NEIL3: variants seen among roughly 807,000 people sequenced by gnomAD.
The protein encoded by NEIL3 is endonuclease 8-like 3.
In NEIL3, 48 loss-of-function variants were observed where a neutral mutation model predicts 57.5. That is an observed-to-expected ratio of 0.83 (90% CI 0.66 to 1.06). NEIL3 has a LOEUF of 1.06. Ranked by LOEUF, NEIL3 falls within the 50% of genes least tolerant of loss-of-function variation. The probability of loss-of-function intolerance (pLI) is 0.00; values close to 1 mark genes in which losing one functional copy is unlikely to be tolerated. For synonymous variants in NEIL3, 261 were observed against 253.2 expected (o/e 1.03, Z -0.29); for missense variants, 717 against 739.1 (o/e 0.97, Z 0.35).
At chr4:177,311,817 G>A (rs1734479964) in intron 1 of NEIL3, among the ~76,000 whole-genome samples, 1 of 152,108 alleles carries the variant, frequency 6.6e-6, no homozygotes, top group Admixed American at 6.6e-5. Context: ...AAATCCAGGT[G>A]ACAAATTTGG....
intron 8 of NEIL3, 199 bp downstream of exon 8, chr4:177,353,927 G>A (rs1322656261): frequency 3.7e-6 from 2 of 535,430 alleles, no homozygotes; most frequent in Non-Finnish European, 6.5e-6. Flanking sequence ...CATCAGGCCC[G>A]ACTAATTTTT....
chr4:177,329,930 C>CAAA (rs1734850983), intron 2 of NEIL3, among the ~76,000 whole-genome samples: 1 of 149,008 alleles, frequency 6.7e-6, no homozygotes, highest in African/African-American at 2.5e-5. Flanking sequence ...TTTTCTTTTT[C>CAAA]AAATGGAGTC....
chr4:177,324,151 T>C (rs1364657130), intron 2 of NEIL3, among the ~76,000 whole-genome samples: 1 of 152,190 alleles, frequency 6.6e-6, no homozygotes, highest in Non-Finnish European at 1.5e-5. Flanking sequence ...GATAACTCTC[T>C]CAAAGAAATG....
chr4:177,339,862 G>A lies in NEIL3; in HGVS notation c.702+5G>A, dbSNP rs372691388. ...TTCAGCATTCTCTTTTACAGGGTAA[G>A]AGCAAAATTTTTCAACTGTGTAAAA... On this transcript the variant is annotated splice_donor_5th_base_variant and intron_variant, in intron 5 of 9. Transcript: ENST00000264596. 6.2e-7 allele frequency: 1 copy of A among 1,603,522 alleles called. No individual in the cohort carries two copies. The highest frequency in any genetic ancestry group is 1.3e-5 in the African/African-American group (1 of 74,656).
chr4:177,310,840 A>G (rs190993261), intron 1 of NEIL3, among the ~76,000 whole-genome samples: 2 of 152,352 alleles, frequency 1.3e-5, no homozygotes, highest in Admixed American at 1.3e-4. Flanking sequence ...CCTACATGCA[A>G]TATTGCACTG....
At chr4:177,339,008 A>G (rs866818180) in intron 4 of NEIL3, among the ~76,000 whole-genome samples, 5 of 152,230 alleles carry the variant, frequency 3.3e-5, no homozygotes, top group Non-Finnish European at 5.9e-5. Flanking sequence ...CAGTAATATT[A>G]TCAGTTCAAA....
intron 1 of NEIL3, among the ~76,000 whole-genome samples, chr4:177,317,326 C>G (rs985822157): frequency 4.6e-5 from 7 of 152,122 alleles, no homozygotes; most frequent in Admixed American, 3.9e-4. Flanking sequence ...GTTGGAGGTT[C>G]TCTTTGAAGC....
chr4:177,366,017 C>T (rs1236799424), downstream of NEIL3, among the ~76,000 whole-genome samples: 1 of 152,064 alleles, frequency 6.6e-6, no homozygotes, highest in Non-Finnish European at 1.5e-5. Context: ...ATAGTAAACA[C>T]AGATTTTAAA....
At chr4:177,326,956 C>T (rs1019253017) in intron 2 of NEIL3, among the ~76,000 whole-genome samples, 4 of 151,932 alleles carry the variant, frequency 2.6e-5, no homozygotes, top group Non-Finnish European at 5.9e-5. Flanking sequence ...ATTGTAATTC[C>T]CATGTGTCGA....
intron 1 of NEIL3, among the ~76,000 whole-genome samples, chr4:177,312,760 A>G (rs544464130): frequency 7.2e-5 from 11 of 152,288 alleles, no homozygotes; most frequent in African/African-American, 2.6e-4. Context: ...ATCTGGTTCT[A>G]TGGACACTGG....
At chr4:177,344,286 G>C (rs1274145041) in intron 6 of NEIL3, among the ~76,000 whole-genome samples, 1 of 152,140 alleles carries the variant, frequency 6.6e-6, no homozygotes, top group Non-Finnish European at 1.5e-5. Context: ...GATTTGCCCT[G>C]TTCTTAGATT....
chr4:177,358,056 T>G (rs1735516914), intron 8 of NEIL3, among the ~76,000 whole-genome samples: 1 of 152,210 alleles, frequency 6.6e-6, no homozygotes, highest in Non-Finnish European at 1.5e-5. Context: ...TGTGCATATT[T>G]AGAGCCAGTG....
In NEIL3 at chr4:177,353,365, C is replaced by T. The variant is rs115288700; in HGVS notation, c.1097C>T (p.Pro366Leu). The change falls in exon 8 of 10, where the codon CCG becomes CTG. Residue 366 changes from proline (P) to leucine (L), a missense_variant. Pro to Leu is a moderately conservative substitution (Grantham distance 98, BLOSUM62 -3). Transcript: ENST00000264596. ...GTCTTTAGCCACTTAATGAAGTACC[C>T]GTGTAATACTTTTGGAAAACCTCAT... ...STVFSHLMKY[P>L]CNTFGKPHTE... The T allele has an allele frequency of 1.5e-5, 24 of 1,613,548 alleles. No homozygotes were observed. The African/African-American group carries it at 2.1e-4, about 14-fold the overall frequency.
chr4:177,356,798 ACC>A (rs1239910483), intron 8 of NEIL3, among the ~76,000 whole-genome samples: 38 of 152,196 alleles, frequency 2.5e-4, no homozygotes, highest in Non-Finnish European at 5.4e-4. Context: ...AGATGATTGA[ACC>A]CATTTTTAAA....
At chr4:177,315,094 T>G (rs979932817) in intron 1 of NEIL3, among the ~76,000 whole-genome samples, 17 of 149,582 alleles carry the variant, frequency 1.1e-4, no homozygotes, top group Middle Eastern at 3.5e-3. Context: ...AAAAAATGTG[T>G]TGTTGTACTG....
chr4:177,364,791 G>A (rs1735671092), downstream of NEIL3, among the ~76,000 whole-genome samples: 1 of 152,038 alleles, frequency 6.6e-6, no homozygotes, highest in African/African-American at 2.4e-5. Flanking sequence ...AGCTGGGCGT[G>A]GTGGCTCACA....
At chr4:177,319,794 G>T (rs775183307) in intron 1 of NEIL3, among the ~76,000 whole-genome samples, 37 of 152,146 alleles carry the variant, frequency 2.4e-4, no homozygotes, top group Admixed American at 1.6e-3. Context: ...GTGTGTGTGT[G>T]TGTAAAATGG....
intron 2 of NEIL3, 36 bp downstream of exon 2, chr4:177,322,616 A>G (rs1578989172): frequency 6.2e-7 from 1 of 1,612,464 alleles, no homozygotes; most frequent in Non-Finnish European, 8.5e-7. Context: ...TTATCTCTCT[A>G]TATTTAAAGA....
chr4:177,358,442 G>C (rs1371930611), intron 8 of NEIL3, among the ~76,000 whole-genome samples: 1 of 152,012 alleles, frequency 6.6e-6, no homozygotes, highest in Non-Finnish European at 1.5e-5. Flanking sequence ...CGAGTACCTG[G>C]GATTAGAGGC....
Sources: gnomAD v4.1 joint callset for allele counts (sites outside exome capture counted in the v4.1 genomes callset) on GRCh38, gnomAD v4.1.1 for gene constraint, MANE v1.5 for transcripts, NCBI Gene and HGNC (gene_info 2026-07-23, HGNC 2026-07-21) for gene names.